ADAMTS18: variants seen among roughly 807,000 people sequenced by gnomAD.
ADAMTS18 encodes ADAM metallopeptidase with thrombospondin type 1 motif 18.
A neutral mutation model predicts 165.9 loss-of-function variants in ADAMTS18; 157 were observed. That is an observed-to-expected ratio of 0.95 (90% confidence interval 0.83 to 1.08). The LOEUF is 1.08. ADAMTS18 is among the 50% of genes least tolerant of loss of function. The probability of loss-of-function intolerance (pLI) is 0.00; values close to 1 mark genes in which losing one functional copy is unlikely to be tolerated. For missense variants in ADAMTS18, 2,040 were observed against 1,534.0 expected, an observed-to-expected ratio of 1.33 and a Z score of -5.51; for synonymous variants, 782 against 578.2, an observed-to-expected ratio of 1.35 and a Z score of -5.06.
intron 13 of ADAMTS18, among the ~76,000 whole-genome samples, chr16:77,322,804 C>A (rs2056027307): frequency 6.6e-6 from 1 of 152,104 alleles, no homozygotes; most frequent in Admixed American, 6.6e-5. Context: ...ACTGACAATA[C>A]AGAAATGAAG....
intron 16 of ADAMTS18, among the ~76,000 whole-genome samples, chr16:77,309,916 T>C (rs1038408476): frequency 2.6e-5 from 4 of 152,248 alleles, no homozygotes; most frequent in East Asian, 1.9e-4. Flanking sequence ...AGGAAGCACA[T>C]TGATTCCTCA....
Position 77,418,167 on chromosome 16 carries a change from G to A in ADAMTS18, c.495+13128C>T, listed in dbSNP as rs1029383174. Among the ~76,000 whole-genome samples, 7 of 152,244 alleles carry A rather than the reference G, an allele frequency of 4.6e-5. No homozygotes were observed. The East Asian group carries it at 1.3e-3, about 29-fold the overall frequency. On this transcript the variant is annotated intron_variant, in intron 3 of 22. Coordinates refer to ENST00000282849, the MANE Select transcript of ADAMTS18 (RefSeq NM_199355.4). ...AACATTCCCAGATGGGTTTTCTGCT[G>A]CCATCCAATCGACTCCCAGCCCACA...
In ADAMTS18 at chr16:77,432,760, C is replaced by A. The variant is rs192096856; in HGVS notation, c.179-1149G>T. On this transcript the variant is annotated intron_variant, in intron 2 of 22. Transcript: ENST00000282849. ...TCCCTAAACAGTCAACAACCTTCCC[C>A]CTCCTCCAATAAAAAAAAAAAAACT... is the stretch of plus-strand genomic sequence containing the variant. 4.2e-3 allele frequency among the ~76,000 whole-genome samples: 570 copies of A among 136,790 alleles called. 2 individuals are homozygous for A. The highest frequency in any genetic ancestry group is 6.0e-3 in the Admixed American group (83 of 13,790). 89.7% of individuals were successfully genotyped at this position (136,790 alleles called of 152,430 possible). A position where few individuals can be genotyped will look rare whatever the true frequency, so the allele number is the denominator to read the frequency against.
At chr16:77,291,545 T>C in intron 20 of ADAMTS18, 67 bp from the exon 21 acceptor site, 6 of 1,511,326 alleles carry the variant, frequency 4.0e-6, no homozygotes, top group Non-Finnish European at 5.5e-6. Context: ...ACAGAGGCAG[T>C]TTGACATAAG....
chr16:77,336,587 C>T (rs2056314607), intron 11 of ADAMTS18, among the ~76,000 whole-genome samples: 1 of 152,174 alleles, frequency 6.6e-6, no homozygotes, highest in African/African-American at 2.4e-5. Context: ...TGACTTTGAG[C>T]TCTTGCAGTG....
At chr16:77,392,567 A>C (rs963342904) in intron 3 of ADAMTS18, among the ~76,000 whole-genome samples, 21 of 151,810 alleles carry the variant, frequency 1.4e-4, no homozygotes, top group Non-Finnish European at 5.9e-5. Context: ...CCTTCATTAC[A>C]CTTTACCCCC....
intron 3 of ADAMTS18, among the ~76,000 whole-genome samples, chr16:77,374,915 AT>A (rs2056927464): frequency 6.6e-6 from 1 of 152,184 alleles, no homozygotes; most frequent in African/African-American, 2.4e-5. Context: ...AAAGAAAAGT[AT>A]TATTTTTCTG....
intron 11 of ADAMTS18, among the ~76,000 whole-genome samples, chr16:77,338,810 C>T (rs1425265887): frequency 2.0e-5 from 3 of 151,702 alleles, no homozygotes; most frequent in East Asian, 2.0e-4. Context: ...AAAAATTAGC[C>T]GGGCGTGGTG....
chr16:77,422,840 A>T (rs1038604709), intron 3 of ADAMTS18, among the ~76,000 whole-genome samples: 1 of 152,178 alleles, frequency 6.6e-6, no homozygotes, highest in Non-Finnish European at 1.5e-5. Context: ...CCCTCCTTAG[A>T]ATACCTACCA....
At chr16:77,291,757 G>C (rs933980379) in intron 20 of ADAMTS18, among the ~76,000 whole-genome samples, 3 of 152,224 alleles carry the variant, frequency 2.0e-5, no homozygotes, top group South Asian at 4.1e-4. Flanking sequence ...TGCCACATGG[G>C]TGTGAGATGG....
intron 18 of ADAMTS18, among the ~76,000 whole-genome samples, chr16:77,296,299 C>G (rs189394516): frequency 2.0e-4 from 30 of 152,228 alleles, no homozygotes; most frequent in African/African-American, 7.2e-4. Flanking sequence ...TGAGCCCCTC[C>G]AAGGCTGCCA....
At chr16:77,328,753 T>C (rs1047162087) in intron 12 of ADAMTS18, among the ~76,000 whole-genome samples, 9 of 152,228 alleles carry the variant, frequency 5.9e-5, no homozygotes, top group African/African-American at 1.4e-4. Flanking sequence ...TTGGGCTCTA[T>C]GTAGTTAATG....
At chr16:77,425,578 C>G (rs529895230) in intron 3 of ADAMTS18, among the ~76,000 whole-genome samples, 1 of 152,326 alleles carries the variant, frequency 6.6e-6, no homozygotes, top group South Asian at 2.1e-4. Flanking sequence ...TCAATCTTCA[C>G]ATGAAGAATG....
intron 3 of ADAMTS18, among the ~76,000 whole-genome samples, chr16:77,393,863 T>C (rs557885321): frequency 6.6e-6 from 1 of 152,360 alleles, no homozygotes; most frequent in South Asian, 2.1e-4. Flanking sequence ...GGTCCATTCT[T>C]TCTTCAACTG....
At chr16:77,296,647 C>A (rs890087876) in intron 18 of ADAMTS18, among the ~76,000 whole-genome samples, 1 of 152,136 alleles carries the variant, frequency 6.6e-6, no homozygotes, top group African/African-American at 2.4e-5. Flanking sequence ...TGGCAAAACC[C>A]CGTCTCTACT....
chr16:77,363,738 G>C (rs560226898), intron 6 of ADAMTS18, 64 bp downstream of exon 6: 3 of 1,446,004 alleles, frequency 2.1e-6, no homozygotes, highest in Non-Finnish European at 2.9e-6. Flanking sequence ...AACACAGTAG[G>C]TGTTCAAGAA....
intron 3 of ADAMTS18, among the ~76,000 whole-genome samples, chr16:77,422,786 C>G (rs754488301): frequency 6.6e-6 from 1 of 152,074 alleles, no homozygotes; most frequent in African/African-American, 2.4e-5. Flanking sequence ...AATATATAAA[C>G]AAGAACAATC....
chr16:77,313,382 A>T (rs1309270801), intron 16 of ADAMTS18, among the ~76,000 whole-genome samples: 1 of 152,120 alleles, frequency 6.6e-6, no homozygotes, highest in Non-Finnish European at 1.5e-5. Context: ...AACATGGCAC[A>T]TGTATACATA....
intron 2 of ADAMTS18, 101 bp from the exon 3 acceptor site, chr16:77,431,712 C>A (rs1219371263): frequency 4.0e-6 from 5 of 1,259,066 alleles, no homozygotes; most frequent in African/African-American, 1.5e-5. Context: ...TCAAAGATAT[C>A]TTTGTTCCTA....
Sources: allele counts gnomAD v4.1 joint callset (sites outside exome capture counted in the v4.1 genomes callset), GRCh38; gene constraint gnomAD v4.1.1; transcripts MANE v1.5; gene names NCBI Gene and HGNC (gene_info 2026-07-23, HGNC 2026-07-21).